FBXL17: variants seen among roughly 807,000 people sequenced by gnomAD.
FBXL17 encodes the protein F-box/LRR-repeat protein 17.
A neutral mutation model predicts 66.2 loss-of-function variants in FBXL17; 22 were observed. That is an observed-to-expected ratio of 0.33 (90% confidence interval 0.24 to 0.47). The LOEUF (loss-of-function observed/expected upper bound fraction) is 0.47, where lower values mean the gene tolerates loss of function less well. FBXL17 is among the 20% of genes least tolerant of loss of function. The probability of loss-of-function intolerance (pLI) is 1.00; values close to 1 mark genes in which losing one functional copy is unlikely to be tolerated. For synonymous variants in FBXL17, 474 were observed against 400.5 expected, an observed-to-expected ratio of 1.18 and a Z score of -2.19; for missense variants, 878 against 948.2, an observed-to-expected ratio of 0.93 and a Z score of 0.97.
chr5:107,908,146 G>A (rs960018272), intron 7 of FBXL17, among the ~76,000 whole-genome samples: 8 of 152,092 alleles, frequency 5.3e-5, no homozygotes, highest in African/African-American at 1.9e-4. Context: ...TCCTTCGTAG[G>A]GACATGGATG....
chr5:108,212,447 G>A (rs1233421163), intron 5 of FBXL17, among the ~76,000 whole-genome samples: 1 of 152,104 alleles, frequency 6.6e-6, no homozygotes, highest in Admixed American at 6.5e-5. Context: ...TTTTGTGCTG[G>A]TTTCTCCCCA....
intron 7 of FBXL17, among the ~76,000 whole-genome samples, chr5:107,933,665 C>A (rs2112578687): frequency 6.6e-6 from 1 of 152,176 alleles, no homozygotes; most frequent in Middle Eastern, 3.4e-3. Context: ...TTTCTTTTTA[C>A]CAATTTGTCT....
At position 107,898,202 on chromosome 5, in the gene FBXL17, T is replaced by C. The variant is rs1034257971; in HGVS notation, c.1823-17023A>G. On this transcript the variant is annotated intron_variant, in intron 7 of 8. Transcript: ENST00000542267. ...TTGGACCCTTCTATGAAGTGGGCAC[T>C]GAAACTAAAGCAAATGGTGGAAGAA... 2.6e-5 allele frequency among the ~76,000 whole-genome samples: 4 copies of C among 152,264 alleles called. No individual in the cohort carries two copies. In the South Asian group the frequency reaches 8.3e-4, roughly 32 times the overall value.
intron 6 of FBXL17, among the ~76,000 whole-genome samples, chr5:108,038,384 T>G (rs543878595): frequency 9.9e-5 from 15 of 152,084 alleles, no homozygotes; most frequent in Non-Finnish European, 1.6e-4. Context: ...TATGTTAAAA[T>G]ACGCCAAAAA....
chr5:108,174,748 CAAAAAAAAA>C (rs34237156), intron 6 of FBXL17, among the ~76,000 whole-genome samples: 5 of 92,526 alleles, frequency 5.4e-5, no homozygotes, highest in African/African-American at 1.8e-4. Context: ...CACAAAGAAG[CAAAAAAAAA>C]AAAAAAAAAA....
intron 4 of FBXL17, among the ~76,000 whole-genome samples, chr5:108,256,367 TATTTC>T (rs1323143456): frequency 6.6e-6 from 1 of 152,196 alleles, no homozygotes; most frequent in Non-Finnish European, 1.5e-5. Flanking sequence ...TTTTTTTATT[TATTTC>T]ATTTTATTAA....
chr5:108,050,941 A>G (rs2112822621), intron 6 of FBXL17, among the ~76,000 whole-genome samples: 1 of 152,348 alleles, frequency 6.6e-6, no homozygotes, highest in South Asian at 2.1e-4. Context: ...AAATACTATC[A>G]GAGAATACTA....
intron 3 of FBXL17, among the ~76,000 whole-genome samples, chr5:108,351,859 T>A (rs1332136437): frequency 6.6e-6 from 1 of 152,230 alleles, no homozygotes; most frequent in Non-Finnish European, 1.5e-5. Flanking sequence ...GGTGAAGTCT[T>A]AGACATCAAT....
intron 5 of FBXL17, among the ~76,000 whole-genome samples, chr5:108,207,984 C>T (rs1335537761): frequency 1.3e-5 from 2 of 152,092 alleles, no homozygotes; most frequent in African/African-American, 4.8e-5. Context: ...CTGTTGTTTC[C>T]TGACTTTTTA....
chr5:108,169,648 T>C (rs930496831), intron 6 of FBXL17, among the ~76,000 whole-genome samples: 1 of 152,204 alleles, frequency 6.6e-6, no homozygotes. Context: ...CACCATTCTA[T>C]GTTAGAGAAT....
At chr5:108,172,270 G>T (rs1423883613) in intron 6 of FBXL17, among the ~76,000 whole-genome samples, 8 of 152,150 alleles carry the variant, frequency 5.3e-5, no homozygotes, top group Admixed American at 4.6e-4. Flanking sequence ...AACAGAAGTT[G>T]CAAGGCTTCT....
At chr5:108,094,642 T>C (rs1749304160) in intron 6 of FBXL17, among the ~76,000 whole-genome samples, 1 of 152,172 alleles carries the variant, frequency 6.6e-6, no homozygotes, top group Non-Finnish European at 1.5e-5. Context: ...AATGTGTTCC[T>C]ACTATTTTAT....
At chr5:107,981,717 T>C (rs1561351177) in intron 7 of FBXL17, among the ~76,000 whole-genome samples, 1 of 151,176 alleles carries the variant, frequency 6.6e-6, no homozygotes. Context: ...GGGAACATTA[T>C]AGAAAAAAAA....
chr5:107,871,903 C>T (rs1748469078), intron 8 of FBXL17, among the ~76,000 whole-genome samples: 2 of 152,078 alleles, frequency 1.3e-5, no homozygotes, highest in Admixed American at 6.6e-5. Context: ...AGGGGGAAAG[C>T]TCTCTGAACT....
intron 7 of FBXL17, among the ~76,000 whole-genome samples, chr5:107,893,840 A>G (rs1749284200): frequency 6.6e-6 from 1 of 152,166 alleles, no homozygotes; most frequent in Non-Finnish European, 1.5e-5. Flanking sequence ...AAAGCTGACA[A>G]TTGGCAACAT....
intron 7 of FBXL17, among the ~76,000 whole-genome samples, chr5:107,960,461 T>C (rs56249381): frequency 0.46 from 69,598 of 151,976 alleles, 16,341 homozygotes; most frequent in African/African-American, 0.55. Flanking sequence ...TGCTCCCTCC[T>C]ACTCCCAGCC....
chr5:108,122,370 A>T (rs539497148), intron 6 of FBXL17, among the ~76,000 whole-genome samples: 2 of 152,342 alleles, frequency 1.3e-5, no homozygotes, highest in East Asian at 3.9e-4. Context: ...CATGTTCTTA[A>T]CCACAGTACT....
At chr5:108,160,589 C>A (rs1289633556) in intron 6 of FBXL17, among the ~76,000 whole-genome samples, 1 of 152,122 alleles carries the variant, frequency 6.6e-6, no homozygotes, top group Non-Finnish European at 1.5e-5. Context: ...AGTTGAATAT[C>A]TGAACTACAG....
At chr5:108,092,237 G>A (rs937352412) in intron 6 of FBXL17, among the ~76,000 whole-genome samples, 18 of 152,204 alleles carry the variant, frequency 1.2e-4, no homozygotes, top group Non-Finnish European at 2.4e-4. Flanking sequence ...CCAGAGAAAG[G>A]TGGATACAAT....
Sources: gnomAD v4.1 joint callset for allele counts (sites outside exome capture counted in the v4.1 genomes callset) on GRCh38, gnomAD v4.1.1 for gene constraint, MANE v1.5 for transcripts, NCBI Gene and HGNC (gene_info 2026-07-23, HGNC 2026-07-21) for gene names.